ZNF385D: variants seen among roughly 807,000 people sequenced by gnomAD.
ZNF385D encodes the protein zinc finger protein 385D.
In ZNF385D, 15 loss-of-function variants were observed where a neutral mutation model predicts 35.8. The observed-to-expected ratio is 0.42, with a 90% CI of 0.28 to 0.64. The LOEUF (loss-of-function observed/expected upper bound fraction) is 0.64. ZNF385D is among the 30% of genes least tolerant of loss of function. The pLI is 0.23. For synonymous variants in ZNF385D, 212 were observed against 186.8 expected (o/e 1.13, Z -1.10); for missense variants, 474 against 494.6 (o/e 0.96, Z 0.39).
At chr3:22,105,075 A>T (rs1026920724) in intron 3 of ZNF385D, among the ~76,000 whole-genome samples, 4 of 152,274 alleles carry the variant, frequency 2.6e-5, no homozygotes, top group Non-Finnish European at 5.9e-5. Flanking sequence ...AGTATTTTTT[A>T]TAAGGAGATT....
chr3:21,931,573 A>C (rs75469032), intron 3 of ZNF385D, among the ~76,000 whole-genome samples: 3 of 152,304 alleles, frequency 2.0e-5, no homozygotes, highest in Non-Finnish European at 4.4e-5. Context: ...GTAGAGTGGA[A>C]CATGTCTCAG....
chr3:21,601,211 T>C (rs2125761924), intron 2 of ZNF385D, among the ~76,000 whole-genome samples: 1 of 152,320 alleles, frequency 6.6e-6, no homozygotes, highest in African/African-American at 2.4e-5. Context: ...CACCAAATTA[T>C]TTAGAAAGTC....
At chr3:21,788,111 A>C (rs773834918) in intron 3 of ZNF385D, among the ~76,000 whole-genome samples, 10 of 152,148 alleles carry the variant, frequency 6.6e-5, no homozygotes, top group Non-Finnish European at 7.3e-5. Context: ...AAATTATGAT[A>C]GGAATAATTA....
At chr3:21,998,637 T>A (rs1488592908) in intron 3 of ZNF385D, among the ~76,000 whole-genome samples, 2 of 152,248 alleles carry the variant, frequency 1.3e-5, no homozygotes, top group African/African-American at 2.4e-5. Flanking sequence ...TTGTTATTAG[T>A]GTGTTAATAA....
chr3:21,974,458 A>G (rs1703467007), intron 3 of ZNF385D, among the ~76,000 whole-genome samples: 1 of 152,146 alleles, frequency 6.6e-6, no homozygotes, highest in South Asian at 2.1e-4. Context: ...TAAGATCTTA[A>G]GCTAAGAAAC....
chr3:21,501,444 G>C (rs1271601681), intron 4 of ZNF385D, among the ~76,000 whole-genome samples: 11 of 152,176 alleles, frequency 7.2e-5, no homozygotes, highest in Admixed American at 7.2e-4. Flanking sequence ...TCAAATATTT[G>C]TCTGAGTTTG....
At chr3:22,201,431 T>C (rs1042386014) in intron 2 of ZNF385D, among the ~76,000 whole-genome samples, 4 of 152,162 alleles carry the variant, frequency 2.6e-5, no homozygotes, top group African/African-American at 9.6e-5. Flanking sequence ...TATGTTTACA[T>C]ATACATGTAG....
intron 2 of ZNF385D, among the ~76,000 whole-genome samples, chr3:22,297,547 A>C (rs186194459): frequency 3.3e-5 from 5 of 152,196 alleles, no homozygotes; most frequent in Admixed American, 1.3e-4. Context: ...AGGACTCTGC[A>C]GTGGGTAAAG....
intron 3 of ZNF385D, among the ~76,000 whole-genome samples, chr3:22,090,262 T>C (rs746100611): frequency 2.0e-5 from 3 of 152,220 alleles, no homozygotes; most frequent in Non-Finnish European, 4.4e-5. Context: ...GATTTATTCC[T>C]ATGCTTCATT....
chr3:22,340,255 T>G (rs1695362577), intron 2 of ZNF385D, among the ~76,000 whole-genome samples: 1 of 152,210 alleles, frequency 6.6e-6, no homozygotes, highest in Non-Finnish European at 1.5e-5. Context: ...TGAGCTATGT[T>G]AGACCACAAA....
chr3:21,922,678 A>G (rs1700530657), intron 3 of ZNF385D, among the ~76,000 whole-genome samples: 1 of 152,178 alleles, frequency 6.6e-6, no homozygotes, highest in Non-Finnish European at 1.5e-5. Context: ...CTCAAACCAT[A>G]AGAATCCGAG....
intron 2 of ZNF385D, among the ~76,000 whole-genome samples, chr3:21,642,674 C>A (rs939395496): frequency 7.2e-5 from 11 of 152,048 alleles, no homozygotes. Context: ...GGATTATTCA[C>A]AACAGTCAAA....
At chr3:22,183,836 GTTT>G (rs1229512626) in intron 2 of ZNF385D, among the ~76,000 whole-genome samples, 2 of 145,770 alleles carry the variant, frequency 1.4e-5, no homozygotes, top group South Asian at 4.3e-4. Flanking sequence ...TGTAGCTTTA[GTTT>G]TTTTTTTAAA....
chr3:21,740,934 A>G (rs2125522518), intron 1 of ZNF385D, among the ~76,000 whole-genome samples: 1 of 152,310 alleles, frequency 6.6e-6, no homozygotes, highest in African/African-American at 2.4e-5. Context: ...GCGCTTTGAC[A>G]TTAGTATCAT....
At chr3:22,101,505 CGTT>C (rs1194805692) in intron 3 of ZNF385D, among the ~76,000 whole-genome samples, 1 of 151,978 alleles carries the variant, frequency 6.6e-6, no homozygotes, top group East Asian at 1.9e-4. Flanking sequence ...AAGGTTTAAA[CGTT>C]AATCTAAATG....
intron 1 of ZNF385D, among the ~76,000 whole-genome samples, chr3:21,706,202 T>C (rs2067892500): frequency 6.6e-6 from 1 of 151,944 alleles, no homozygotes; most frequent in African/African-American, 2.4e-5. Context: ...CATACAACCT[T>C]ATGTGATTTC....
intron 3 of ZNF385D, among the ~76,000 whole-genome samples, chr3:21,889,965 G>A (rs537979149): frequency 4.3e-4 from 66 of 152,160 alleles, no homozygotes; most frequent in African/African-American, 1.6e-3. Context: ...GCGTGTGCCT[G>A]TGTGTGAATT....
intron 2 of ZNF385D, among the ~76,000 whole-genome samples, chr3:22,268,060 G>A (rs1024960880): frequency 1.3e-5 from 2 of 151,922 alleles, no homozygotes; most frequent in African/African-American, 4.8e-5. Flanking sequence ...CAATTAGTGT[G>A]TAAATTTATT....
intron 4 of ZNF385D, among the ~76,000 whole-genome samples, chr3:21,508,977 T>TTTTTTTTC (rs1706993792): frequency 6.6e-6 from 1 of 151,188 alleles, no homozygotes; most frequent in Non-Finnish European, 1.5e-5. Flanking sequence ...GGCTTTTTTT[T>TTTTTTTTC]TTTTTCTTTT....
Sources: gnomAD v4.1 joint callset for allele counts (sites outside exome capture counted in the v4.1 genomes callset) on GRCh38, gnomAD v4.1.1 for gene constraint, MANE v1.5 for transcripts, NCBI Gene and HGNC (gene_info 2026-07-23, HGNC 2026-07-21) for gene names.